The following RHBDL3 variants were observed in gnomAD, a reference collection of about 807,000 sequenced individuals.
The protein encoded by RHBDL3 is rhomboid-related protein 3.
RHBDL3 carries 28 observed loss-of-function variants against 48.2 expected under a neutral mutation model. That is an observed-to-expected ratio of 0.58 (90% CI 0.43 to 0.80). The LOEUF (loss-of-function observed/expected upper bound fraction) is 0.80, where lower values mean the gene tolerates loss of function less well. Among genes scored for constraint, RHBDL3 ranks in the 30% least tolerant of loss-of-function variants. The pLI, the probability that RHBDL3 is intolerant of heterozygous loss-of-function variation, is 0.00. For synonymous variants in RHBDL3, 208 were observed against 232.3 expected (o/e 0.90, Z 0.95); for missense variants, 464 against 542.7 (o/e 0.85, Z 1.44).
At chr17:32,289,149 G>A in intron 4 of RHBDL3, 133 bp downstream of exon 4, 1 of 705,908 alleles carries the variant, frequency 1.4e-6, no homozygotes, top group Non-Finnish European at 2.5e-6. Flanking sequence ...AATGGTTGAG[G>A]ATCAAATAAT....
rs199511226 is a variant in RHBDL3, at chr17:32,283,481, G to A, written c.136-1178G>A. On this transcript the variant is annotated intron_variant, in intron 2 of 8. Coordinates refer to ENST00000269051, the MANE Select transcript of RHBDL3 (RefSeq NM_138328.3). ...TGGGACTACAGGCGCACACCACCAC[G>A]CCCGGCTACTTTTTTGTATTTTTAG... is the stretch of plus-strand genomic sequence containing the variant. Among the ~76,000 whole-genome samples, 10 of 151,594 alleles carry A rather than the reference G, an allele frequency of 6.6e-5. No homozygotes were observed. In the South Asian group the frequency reaches 8.3e-4, roughly 13 times the overall value.
intron 8 of RHBDL3, among the ~76,000 whole-genome samples, chr17:32,317,216 CA>C (rs1177299321): frequency 2.0e-5 from 3 of 152,102 alleles, no homozygotes; most frequent in Non-Finnish European, 4.4e-5. Flanking sequence ...AATATGCAAA[CA>C]GAAAAGTGCT....
intron 2 of RHBDL3, among the ~76,000 whole-genome samples, chr17:32,275,117 G>A (rs940855684): frequency 1.3e-5 from 2 of 152,184 alleles, no homozygotes; most frequent in African/African-American, 4.8e-5. Flanking sequence ...GCGGCGGCCA[G>A]CAGTTTAGGC....
At chr17:32,268,250 G>T (rs1282338890) in intron 2 of RHBDL3, among the ~76,000 whole-genome samples, 3 of 152,186 alleles carry the variant, frequency 2.0e-5, no homozygotes, top group Non-Finnish European at 4.4e-5. Flanking sequence ...GGGGGCTGGA[G>T]AGGTGGGGGA....
At chr17:32,292,577 G>C (rs1378959997) in intron 4 of RHBDL3, among the ~76,000 whole-genome samples, 2 of 152,138 alleles carry the variant, frequency 1.3e-5, no homozygotes, top group Non-Finnish European at 2.9e-5. Flanking sequence ...GGCTGAAGAA[G>C]GTGGATCACC....
In RHBDL3 at chr17:32,284,743, A is replaced by G. The variant is rs775316192; in HGVS notation, c.220A>G (p.Lys74Glu). ...ESHSSKLDPH[K>E]REVLLALADS... Reference sequence around the variant, plus strand: ...CCACAGCTCCAAGCTGGACCCGCACAAAAGGGAGGTCCTCCTGGCTCTTGC... The same window carrying G: ...CCACAGCTCCAAGCTGGACCCGCACGAAAGGGAGGTCCTCCTGGCTCTTGC... The change falls in exon 3 of 9, where the codon AAA becomes GAA. Residue 74 changes from lysine to glutamate, a missense_variant. Transcript: ENST00000269051. 1 of 1,614,090 alleles carries G rather than the reference A, an allele frequency of 6.2e-7. No individual in the cohort carries two copies. Among genetic ancestry groups the G allele is most frequent in the South Asian group, 1.1e-5 (1 of 91,082 alleles).
intron 8 of RHBDL3, among the ~76,000 whole-genome samples, chr17:32,319,894 C>A (rs186259570): frequency 6.6e-6 from 1 of 152,256 alleles, no homozygotes; most frequent in East Asian, 1.9e-4. Flanking sequence ...ATGGCAGTTT[C>A]CTAGCGCCCA....
chr17:32,301,374 C>G (rs2150735149), intron 6 of RHBDL3, among the ~76,000 whole-genome samples: 1 of 150,846 alleles, frequency 6.6e-6, no homozygotes. Context: ...CAAGACCAGC[C>G]TGGGCAACAT....
chr17:32,274,102 C>T (rs758152727), intron 2 of RHBDL3, among the ~76,000 whole-genome samples: 5 of 152,180 alleles, frequency 3.3e-5, no homozygotes, highest in Non-Finnish European at 7.3e-5. Flanking sequence ...ATCAGGCTGC[C>T]TGCTTTAGGG....
chr17:32,269,228 G>C (rs1020988881), intron 2 of RHBDL3, among the ~76,000 whole-genome samples: 4 of 152,294 alleles, frequency 2.6e-5, no homozygotes, highest in Admixed American at 1.3e-4. Flanking sequence ...CACTCCTGTG[G>C]TTCCAGCTAC....
intron 6 of RHBDL3, among the ~76,000 whole-genome samples, chr17:32,300,663 G>A (rs1485406925): frequency 6.6e-6 from 1 of 152,198 alleles, no homozygotes; most frequent in Non-Finnish European, 1.5e-5. Context: ...TTGTAATGAG[G>A]ATAGCTAACC....
chr17:32,296,774 TTTTTTATTTTATTTTATTTTA>T (rs2040461631), intron 5 of RHBDL3, among the ~76,000 whole-genome samples: 1 of 145,018 alleles, frequency 6.9e-6, no homozygotes, highest in Non-Finnish European at 1.5e-5. Flanking sequence ...CCCGTAGCTC[TTTTTTATTTTATTTTATTTTA>T]TTTTATTTTA....
chr17:32,266,263 C>T lies in RHBDL3; in HGVS notation c.74C>T (p.Pro25Leu). 6.8e-7 allele frequency: 1 copy of T among 1,469,056 alleles called. No individual in the cohort carries two copies. The highest frequency in any genetic ancestry group is 8.9e-7 in the Non-Finnish European group (1 of 1,117,390). The allele number at this position is 1,469,056 out of a possible 1,614,324, so 91.0% of individuals were successfully genotyped here. A position where few individuals can be genotyped will look rare whatever the true frequency, so the allele number is the denominator to read the frequency against. The change falls in exon 1 of 9, where the codon CCC (proline) becomes CTC (leucine). Residue 25 changes from proline to leucine, a missense_variant. By Grantham distance (98) the Pro-to-Leu change is moderately conservative (BLOSUM62 -3). Transcript: ENST00000269051. ...GCGGAGCGCATCGAGGAGCTGGAACCCGAGGCCGAGGAGCGGCTGCCCGCG... is the reference window on the plus strand; with the variant it reads ...GCGGAGCGCATCGAGGAGCTGGAACTCGAGGCCGAGGAGCGGCTGCCCGCG... ...AEAERIEELE[P>L]EAEERLPAAP... is the part of the protein sequence containing the mutation.
chr17:32,294,642 G>C (rs2040409085), intron 5 of RHBDL3, among the ~76,000 whole-genome samples, 200 bp downstream of exon 5: 1 of 152,200 alleles, frequency 6.6e-6, no homozygotes, highest in East Asian at 1.9e-4. Flanking sequence ...AAATATATAA[G>C]AAGGAAAATG....
intron 6 of RHBDL3, among the ~76,000 whole-genome samples, chr17:32,298,833 C>T (rs2040515885): frequency 6.6e-6 from 1 of 152,232 alleles, no homozygotes; most frequent in African/African-American, 2.4e-5. Context: ...GGGCCTCCAG[C>T]TGAGTGGGCA....
intron 2 of RHBDL3, among the ~76,000 whole-genome samples, chr17:32,271,145 C>T (rs1011123932): frequency 2.6e-5 from 4 of 152,162 alleles, no homozygotes; most frequent in South Asian, 2.1e-4. Context: ...AGATAGTTTT[C>T]GTACCTCCCC....
chr17:32,272,748 G>A (rs182038939), intron 2 of RHBDL3, among the ~76,000 whole-genome samples: 75 of 152,342 alleles, frequency 4.9e-4, no homozygotes, highest in African/African-American at 1.6e-3. Context: ...CGAGGGATCC[G>A]AGGTTGAACT....
chr17:32,314,938 C>T (rs999122879), intron 7 of RHBDL3, among the ~76,000 whole-genome samples: 1 of 152,242 alleles, frequency 6.6e-6, no homozygotes, highest in African/African-American at 2.4e-5. Context: ...GGCTTTCCAC[C>T]TAAAGCGGGA....
Position 32,266,113 on chromosome 17 carries a change from C to G in RHBDL3, c.-77C>G, listed in dbSNP as rs1309929785. 1 of 397,784 alleles carries G rather than the reference C, an allele frequency of 2.5e-6. No homozygotes were observed. Among genetic ancestry groups the G allele is most frequent in the Non-Finnish European group, 3.5e-6 (1 of 287,416 alleles). The allele number at this position is 397,784 out of a possible 1,614,324, so 24.6% of individuals were successfully genotyped here. A position where few individuals can be genotyped will look rare whatever the true frequency, so the allele number is the denominator to read the frequency against. On this transcript the variant is annotated 5_prime_UTR_variant, in exon 1 of 9. Coordinates refer to ENST00000269051, the MANE Select transcript of RHBDL3 (RefSeq NM_138328.3). ...GCACTGAGCCCCTGGAGCGGCGCGGCCGCCGCGGCGCAAAGTTAGCCCGGC... is the reference window on the plus strand; with the variant it reads ...GCACTGAGCCCCTGGAGCGGCGCGGGCGCCGCGGCGCAAAGTTAGCCCGGC...
Sources: allele counts gnomAD v4.1 joint callset (sites outside exome capture counted in the v4.1 genomes callset), GRCh38; gene constraint gnomAD v4.1.1; transcripts MANE v1.5; gene names NCBI Gene and HGNC (gene_info 2026-07-23, HGNC 2026-07-21).